The following CNTN4 variants were observed in gnomAD, a reference collection of about 807,000 sequenced individuals.
CNTN4 encodes the protein contactin 4.
In CNTN4, 77 loss-of-function variants were observed where a neutral mutation model predicts 122.5. The observed-to-expected ratio is 0.63, with a 90% CI of 0.52 to 0.76. The LOEUF (loss-of-function observed/expected upper bound fraction) is 0.76, where lower values mean the gene tolerates loss of function less well. Among genes scored for constraint, CNTN4 ranks in the 30% least tolerant of loss-of-function variants. The pLI is 0.00. For synonymous variants in CNTN4, 512 were observed against 447.0 expected (o/e 1.15, Z -1.83); for missense variants, 1,256 against 1,259.1 (o/e 1.00, Z 0.04).
At chr3:2,793,485 A>G (rs2092075851) in intron 6 of CNTN4, among the ~76,000 whole-genome samples, 2 of 152,034 alleles carry the variant, frequency 1.3e-5, no homozygotes, top group South Asian at 4.2e-4. Context: ...TTTGTCCCTT[A>G]ATTACGGATG....
chr3:2,418,447 TA>T (rs1253812206), intron 3 of CNTN4, among the ~76,000 whole-genome samples: 2 of 152,186 alleles, frequency 1.3e-5, no homozygotes, highest in Non-Finnish European at 2.9e-5. Flanking sequence ...GCCCAGGTAC[TA>T]AAATTAGATC....
At chr3:2,311,561 ACAGAGAATG>A (rs1335036523) in intron 2 of CNTN4, among the ~76,000 whole-genome samples, 1 of 152,062 alleles carries the variant, frequency 6.6e-6, no homozygotes, top group Non-Finnish European at 1.5e-5. Context: ...AGCATTCTTG[ACAGAGAATG>A]CAGCTGTGCA....
At chr3:2,159,421 A>G (rs550377699) in intron 2 of CNTN4, among the ~76,000 whole-genome samples, 1 of 152,204 alleles carries the variant, frequency 6.6e-6, no homozygotes, top group Admixed American at 6.5e-5. Context: ...TTCTTTTTCA[A>G]GCTTTTCAAA....
chr3:2,858,749 G>T (rs1331599995), intron 7 of CNTN4, among the ~76,000 whole-genome samples: 1 of 151,510 alleles, frequency 6.6e-6, no homozygotes, highest in Non-Finnish European at 1.5e-5. Context: ...CCAATATCAA[G>T]ATATATATTT....
intron 13 of CNTN4, among the ~76,000 whole-genome samples, chr3:2,980,448 T>C (rs1294960993): frequency 6.6e-6 from 1 of 151,908 alleles, no homozygotes; most frequent in Non-Finnish European, 1.5e-5. Context: ...TCATAAGTAT[T>C]AGGAGGAGCT....
At chr3:2,288,183 GC>G (rs1470220232) in intron 2 of CNTN4, among the ~76,000 whole-genome samples, 1 of 152,196 alleles carries the variant, frequency 6.6e-6, no homozygotes, top group Non-Finnish European at 1.5e-5. Context: ...ATAAAGGAAT[GC>G]CTGAGACTAG....
chr3:2,650,962 C>T (rs1348634815), intron 4 of CNTN4, among the ~76,000 whole-genome samples: 1 of 152,078 alleles, frequency 6.6e-6, no homozygotes, highest in Non-Finnish European at 1.5e-5. Context: ...ATTTCATAGG[C>T]TGGAGGTATC....
intron 20 of CNTN4, 140 bp downstream of exon 20, chr3:3,040,411 A>G (rs1700046925): frequency 1.4e-5 from 10 of 725,216 alleles, no homozygotes; most frequent in Non-Finnish European, 1.9e-5. Flanking sequence ...AATGTAAACA[A>G]TTTGGTTCGC....
intron 9 of CNTN4, among the ~76,000 whole-genome samples, chr3:2,885,652 G>A (rs1559619424): frequency 6.6e-6 from 1 of 152,120 alleles, no homozygotes; most frequent in Non-Finnish European, 1.5e-5. Context: ...TATTGTTTCT[G>A]TTATCTATTG....
intron 2 of CNTN4, among the ~76,000 whole-genome samples, chr3:2,302,546 G>T (rs2042562669): frequency 6.6e-6 from 1 of 152,172 alleles, no homozygotes. Flanking sequence ...ATTAACTAAA[G>T]TCGTTGAAAT....
Position 2,756,285 on chromosome 3 carries a change from G to A in CNTN4, c.358+10588G>A, listed in dbSNP as rs12171306. On this transcript the variant is annotated intron_variant, in intron 6 of 24. Coordinates refer to ENST00000418658, the MANE Select transcript of CNTN4 (RefSeq NM_175607.3). ...ATCATATGAGGAGGTGGGGCCTTTG[G>A]TGGTGATTAGGTCATGAGGGATCTG... 3.3e-3 allele frequency among the ~76,000 whole-genome samples: 504 copies of A among 152,282 alleles called. 5 individuals carry two copies. Among genetic ancestry groups the A allele is most frequent in the African/African-American group, 0.012 (489 of 41,550 alleles).
At chr3:2,510,278 T>A (rs780609665) in intron 3 of CNTN4, among the ~76,000 whole-genome samples, 2 of 152,124 alleles carry the variant, frequency 1.3e-5, no homozygotes, top group African/African-American at 4.8e-5. Context: ...GAATGTCACA[T>A]TGTAAGCGTT....
chr3:3,030,743 G>T, intron 15 of CNTN4, 112 bp from the exon 16 acceptor site: 1 of 1,271,650 alleles, frequency 7.9e-7, no homozygotes. Context: ...CATCACTAAT[G>T]CTTTCATCAG....
intron 2 of CNTN4, among the ~76,000 whole-genome samples, chr3:2,190,331 GT>G (rs1553598526): frequency 3.1e-4 from 45 of 147,228 alleles, no homozygotes; most frequent in East Asian, 2.8e-3. Context: ...GTGTCTTTGT[GT>G]TTTTTTTTTC....
chr3:2,384,217 G>A (rs2046147293), intron 3 of CNTN4, among the ~76,000 whole-genome samples: 1 of 152,070 alleles, frequency 6.6e-6, no homozygotes, highest in Admixed American at 6.6e-5. Flanking sequence ...TTAATATGTT[G>A]TTGTACAGGA....
intron 2 of CNTN4, among the ~76,000 whole-genome samples, chr3:2,240,587 A>G (rs1050619087): frequency 4.6e-5 from 7 of 152,106 alleles, no homozygotes; most frequent in Non-Finnish European, 5.9e-5. Context: ...CAAAATTGTA[A>G]TTTTGTAGGT....
intron 23 of CNTN4, among the ~76,000 whole-genome samples, chr3:3,045,268 T>A (rs1700527796): frequency 6.6e-6 from 1 of 152,146 alleles, no homozygotes; most frequent in African/African-American, 2.4e-5. Flanking sequence ...GTCTGACAGC[T>A]TTGAAGAGAA....
chr3:2,590,724 C>T (rs1020759977), intron 4 of CNTN4, among the ~76,000 whole-genome samples: 1 of 151,948 alleles, frequency 6.6e-6, no homozygotes, highest in Non-Finnish European at 1.5e-5. Flanking sequence ...CTGCGATTTA[C>T]TTTCTCTTTT....
At chr3:2,123,614 A>G (rs973974746) in intron 2 of CNTN4, among the ~76,000 whole-genome samples, 1 of 152,196 alleles carries the variant, frequency 6.6e-6, no homozygotes, top group African/African-American at 2.4e-5. Context: ...CTGAACTGAC[A>G]TCTCGCAAGA....
Sources: allele counts gnomAD v4.1 joint callset (sites outside exome capture counted in the v4.1 genomes callset), GRCh38; gene constraint gnomAD v4.1.1; transcripts MANE v1.5; gene names NCBI Gene and HGNC (gene_info 2026-07-23, HGNC 2026-07-21).